MTFR1: variants seen among roughly 807,000 people sequenced by gnomAD.
The protein encoded by MTFR1 is mitochondrial fission regulator 1, also known as chondrocyte protein with a poly-proline region.
Under a neutral mutation model 38.8 loss-of-function variants are expected in MTFR1, and 28 were observed. The ratio of observed to expected loss-of-function variants is 0.72; its 90% confidence interval spans 0.53 to 0.99. The LOEUF is 0.99. Ranked by LOEUF, MTFR1 falls within the 50% of genes least tolerant of loss-of-function variation. The pLI, the probability that MTFR1 is intolerant of heterozygous loss-of-function variation, is 0.00. For missense variants in MTFR1, 358 were observed against 395.5 expected, an observed-to-expected ratio of 0.91 and a Z score of 0.81; for synonymous variants, 145 against 137.0, an observed-to-expected ratio of 1.06 and a Z score of -0.41.
chr8:65,714,817 C>T (rs1806070051), downstream of MTFR1: 1 of 152,118 alleles, frequency 6.6e-6, no homozygotes, highest in African/African-American at 2.4e-5. Context: ...AGATCATTTT[C>T]AGAATCTTCA....
chr8:65,700,205 G>A (rs995469059), intron 4 of MTFR1, among the ~76,000 whole-genome samples: 11 of 151,808 alleles, frequency 7.2e-5, no homozygotes, highest in East Asian at 3.9e-4. Flanking sequence ...ACCAAAATTC[G>A]CTGGGTGTGG....
At chr8:65,666,252 C>A (rs1804379034) in intron 1 of MTFR1, among the ~76,000 whole-genome samples, 1 of 152,016 alleles carries the variant, frequency 6.6e-6, no homozygotes, top group Admixed American at 6.6e-5. Context: ...ACTAAAAATA[C>A]AATAATTAGC....
chr8:65,648,259 C>T (rs1318919349), intron 1 of MTFR1, among the ~76,000 whole-genome samples: 3 of 152,094 alleles, frequency 2.0e-5, no homozygotes, highest in Admixed American at 1.3e-4. Flanking sequence ...CCTCGTGATT[C>T]GCCCACCTCG....
At chr8:65,660,047 C>T (rs1024360536) in intron 1 of MTFR1, among the ~76,000 whole-genome samples, 9 of 152,106 alleles carry the variant, frequency 5.9e-5, no homozygotes, top group Admixed American at 1.3e-4. Flanking sequence ...CCCAGCACTT[C>T]GGGAGGCTGA....
At chr8:65,683,451 A>G (rs1208367787) in intron 3 of MTFR1, among the ~76,000 whole-genome samples, 1 of 151,670 alleles carries the variant, frequency 6.6e-6, no homozygotes, top group Non-Finnish European at 1.5e-5. Flanking sequence ...TTGTTATTAT[A>G]GTATTAGACA....
intron 3 of MTFR1, among the ~76,000 whole-genome samples, chr8:65,765,034 TCTA>T (rs1223585915): frequency 1.3e-5 from 2 of 152,126 alleles, no homozygotes; most frequent in African/African-American, 4.8e-5. Context: ...ATACTCAGTC[TCTA>T]CTATGAGCCA....
intron 3 of MTFR1, among the ~76,000 whole-genome samples, chr8:65,752,800 A>T (rs931765955): frequency 1.5e-4 from 23 of 152,114 alleles, no homozygotes; most frequent in Non-Finnish European, 3.1e-4. Context: ...AAACACCTTT[A>T]TGTGTTTTCT....
chr8:65,758,289 G>T (rs570735289), intron 3 of MTFR1, among the ~76,000 whole-genome samples: 1 of 152,144 alleles, frequency 6.6e-6, no homozygotes, highest in South Asian at 2.1e-4. Context: ...CTGGCATAAG[G>T]CTTAAAAATA....
chr8:65,686,593 A>G (rs1286535250), intron 3 of MTFR1, among the ~76,000 whole-genome samples: 2 of 151,072 alleles, frequency 1.3e-5, no homozygotes, highest in East Asian at 1.9e-4. Context: ...AAAAAAAAAA[A>G]AAAAAAAGGC....
intron 3 of MTFR1, among the ~76,000 whole-genome samples, chr8:65,755,008 ATTTT>A (rs913405237): frequency 7.0e-6 from 1 of 143,342 alleles, no homozygotes; most frequent in East Asian, 2.2e-4. Context: ...TTGCCTGTTT[ATTTT>A]TTTTTTCACT....
intron 3 of MTFR1, among the ~76,000 whole-genome samples, chr8:65,767,524 T>A (rs549027674): frequency 2.6e-4 from 39 of 152,360 alleles, no homozygotes; most frequent in Non-Finnish European, 4.6e-4. Flanking sequence ...AATATTCTCC[T>A]ATCCTCCTTT....
intron 1 of MTFR1, among the ~76,000 whole-genome samples, chr8:65,649,476 G>A (rs1329195946): frequency 1.3e-5 from 2 of 152,038 alleles, no homozygotes; most frequent in Non-Finnish European, 2.9e-5. Flanking sequence ...GAGCCACCGC[G>A]CCTGGCCCAT....
chr8:65,685,193 G>A (rs757545524), intron 3 of MTFR1, among the ~76,000 whole-genome samples: 2 of 152,118 alleles, frequency 1.3e-5, no homozygotes, highest in Non-Finnish European at 2.9e-5. Flanking sequence ...CTCATTTAGG[G>A]GCTAACTGAT....
chr8:65,670,265 GTTA>G (rs1804532271), intron 2 of MTFR1, among the ~76,000 whole-genome samples: 2 of 152,146 alleles, frequency 1.3e-5, no homozygotes, highest in South Asian at 4.1e-4. Flanking sequence ...CAATATATTT[GTTA>G]TTAGTGAGGA....
intron 3 of MTFR1, among the ~76,000 whole-genome samples, chr8:65,756,636 A>G (rs541390243): frequency 6.6e-6 from 1 of 151,916 alleles, no homozygotes; most frequent in South Asian, 2.1e-4. Context: ...TTGTTTGTAC[A>G]TTGTTTTCCT....
intron 1 of MTFR1, among the ~76,000 whole-genome samples, chr8:65,657,017 A>AT (rs138679527): frequency 0.035 from 4,749 of 134,526 alleles, 254 homozygotes; most frequent in African/African-American, 0.12. Flanking sequence ...TTATTTACTT[A>AT]TTTTTTTTTT....
chr8:65,725,846 T>C (rs935609123), intron 3 of MTFR1, among the ~76,000 whole-genome samples: 2 of 152,184 alleles, frequency 1.3e-5, no homozygotes, highest in Non-Finnish European at 2.9e-5. Flanking sequence ...GAAGCAAACA[T>C]TTTAATCTGT....
At chr8:65,706,596 A>G (rs1363481119) in intron 5 of MTFR1, among the ~76,000 whole-genome samples, 1 of 152,344 alleles carries the variant, frequency 6.6e-6, no homozygotes, top group Non-Finnish European at 1.5e-5. Context: ...ATATGAAAAT[A>G]TACTTAAAAT....
At chr8:65,736,203 C>T (rs1344894486) in intron 3 of MTFR1, among the ~76,000 whole-genome samples, 1 of 152,182 alleles carries the variant, frequency 6.6e-6, no homozygotes, top group Non-Finnish European at 1.5e-5. Flanking sequence ...ATAAGGGTGA[C>T]GAACACAAGC....
Sources: gnomAD v4.1 joint callset for allele counts (sites outside exome capture counted in the v4.1 genomes callset) on GRCh38, gnomAD v4.1.1 for gene constraint, MANE v1.5 for transcripts, NCBI Gene and HGNC (gene_info 2026-07-23, HGNC 2026-07-21) for gene names.